The following SOX6 variants were observed in gnomAD, a reference collection of about 807,000 sequenced individuals.
SOX6 encodes SRY-box transcription factor 6.
In SOX6, 11 loss-of-function variants were observed where a neutral mutation model predicts 97.8. The observed-to-expected ratio is 0.11, with a 90% CI of 0.07 to 0.19. SOX6 has a LOEUF of 0.19. SOX6 is among the 10% of genes least tolerant of loss of function. SOX6 has a pLI of 1.00. For missense variants in SOX6, 810 were observed against 1,039.5 expected (o/e 0.78, Z 3.04); for synonymous variants, 360 against 371.4 (o/e 0.97, Z 0.35).
chr11:16,545,958 T>C (rs908191923), intron 4 of SOX6, among the ~76,000 whole-genome samples: 6 of 151,924 alleles, frequency 3.9e-5, no homozygotes, highest in Non-Finnish European at 7.4e-5. Flanking sequence ...TCTATTTAAA[T>C]AAATAAATAA....
rs189598281 is a variant in SOX6 at position 16,643,507 on chromosome 11, C to G, written n.430-31247G>C. ...CTTTTGTTTGGCTATGCCCTGCCCC[C>G]AGAGGTGGAGTCTACAGAGGCAGGC... On this transcript the variant is annotated intron_variant and non_coding_transcript_variant, in intron 3 of 5. Coordinates refer to the SOX6 transcript ENST00000524520. Among the ~76,000 whole-genome samples the G allele has an allele frequency of 3.9e-5, 6 of 152,326 alleles. No individual in the cohort carries two copies. In the East Asian group the frequency reaches 9.7e-4, roughly 25 times the overall value.
At chr11:15,983,328 T>C (rs531329012) in intron 15 of SOX6, among the ~76,000 whole-genome samples, 1 of 152,212 alleles carries the variant, frequency 6.6e-6, no homozygotes, top group African/African-American at 2.4e-5. Context: ...CTCCCTTCCA[T>C]ATTATTGATA....
chr11:16,637,002 A>G (rs1312843806), intron 3 of SOX6, among the ~76,000 whole-genome samples: 1 of 152,056 alleles, frequency 6.6e-6, no homozygotes, highest in Non-Finnish European at 1.5e-5. Context: ...TAGACTAATT[A>G]TGTCCCCTTT....
At chr11:16,430,150 T>C (rs1023865175) in intron 1 of SOX6, among the ~76,000 whole-genome samples, 1 of 152,188 alleles carries the variant, frequency 6.6e-6, no homozygotes, top group Non-Finnish European at 1.5e-5. Flanking sequence ...GCATATATTC[T>C]TTCCTTTGCC....
chr11:16,319,695 G>A (rs1469380137), intron 2 of SOX6, among the ~76,000 whole-genome samples: 1 of 152,102 alleles, frequency 6.6e-6, no homozygotes, highest in Admixed American at 6.6e-5. Flanking sequence ...TGGCGGCATA[G>A]TATTTCATTG....
At chr11:16,403,903 T>A (rs1858623494) in intron 1 of SOX6, among the ~76,000 whole-genome samples, 1 of 151,820 alleles carries the variant, frequency 6.6e-6, no homozygotes, top group African/African-American at 2.4e-5. Context: ...TGTCTCAGGA[T>A]AACCTGGAGA....
chr11:16,301,879 G>A (rs1855269481), intron 3 of SOX6, among the ~76,000 whole-genome samples: 1 of 152,100 alleles, frequency 6.6e-6, no homozygotes, highest in African/African-American at 2.4e-5. Context: ...CCTGCTAGAT[G>A]TATTCCACCT....
At chr11:16,648,841 GA>G (rs1471619295) in intron 3 of SOX6, among the ~76,000 whole-genome samples, 1 of 151,954 alleles carries the variant, frequency 6.6e-6, no homozygotes, top group Admixed American at 6.6e-5. Flanking sequence ...AAAGAAAGGT[GA>G]AAACAAACTT....
chr11:16,598,248 C>T (rs1460953751), intron 4 of SOX6, among the ~76,000 whole-genome samples: 1 of 151,904 alleles, frequency 6.6e-6, no homozygotes, highest in African/African-American at 2.4e-5. Context: ...AGGGATTATA[C>T]CATGGATATA....
chr11:16,186,957 TA>T lies in SOX6; in HGVS notation c.536-3del. On this transcript the variant is annotated splice_region_variant and splice_polypyrimidine_tract_variant and intron_variant, in intron 4 of 15. Coordinates refer to ENST00000683767, the MANE Select transcript of SOX6 (RefSeq NM_001367873.1). ...TTTCTGCCAGGCTCTCAGGTGTACCTAAAATGGAAGCAAGAAGAGATCTCAC... is the reference window on the plus strand; with the variant it reads ...TTTCTGCCAGGCTCTCAGGTGTACCTAAATGGAAGCAAGAAGAGATCTCAC... 6.2e-7 allele frequency: 1 copy of T among 1,613,686 alleles called. No individual in the cohort carries two copies. The highest frequency in any genetic ancestry group is 8.5e-7 in the Non-Finnish European group (1 of 1,179,776).
intron 3 of SOX6, among the ~76,000 whole-genome samples, chr11:16,712,609 C>G (rs1848190181): frequency 6.6e-6 from 1 of 152,112 alleles, no homozygotes. Context: ...TTTTCAGCCT[C>G]AAGGCCATTT....
chr11:16,244,667 G>T (rs1006864670), intron 3 of SOX6, among the ~76,000 whole-genome samples: 8 of 151,630 alleles, frequency 5.3e-5, no homozygotes, highest in Admixed American at 1.3e-4. Flanking sequence ...AGTTGTTCCA[G>T]CAACATTTTT....
At chr11:16,359,910 C>T (rs1857165998), upstream of SOX6, among the ~76,000 whole-genome samples, 1 of 152,138 alleles carries the variant, frequency 6.6e-6, no homozygotes, top group Non-Finnish European at 1.5e-5. Flanking sequence ...AATTTATCCC[C>T]ATTTGCAGAT....
chr11:16,535,684 C>A (rs966593341), intron 4 of SOX6, among the ~76,000 whole-genome samples: 10 of 152,024 alleles, frequency 6.6e-5, no homozygotes, highest in African/African-American at 1.9e-4. Flanking sequence ...CAAAAAAAAA[C>A]AAAAACAAAC....
intron 3 of SOX6, among the ~76,000 whole-genome samples, chr11:16,714,064 A>G (rs1279993369): frequency 6.6e-6 from 1 of 152,202 alleles, no homozygotes; most frequent in Non-Finnish European, 1.5e-5. Flanking sequence ...CTCCTTCCTC[A>G]TATTCCAAAG....
chr11:16,525,397 A>G (rs1415069645), intron 4 of SOX6, among the ~76,000 whole-genome samples: 3 of 151,750 alleles, frequency 2.0e-5, no homozygotes, highest in African/African-American at 7.3e-5. Flanking sequence ...TTCCCTATTT[A>G]ATAAATGGTG....
At chr11:15,991,230 A>T (rs183379359) in intron 13 of SOX6, among the ~76,000 whole-genome samples, 2 of 152,232 alleles carry the variant, frequency 1.3e-5, no homozygotes, top group Non-Finnish European at 2.9e-5. Flanking sequence ...CCCACAGTAC[A>T]TTAATTTCAT....
chr11:16,466,705 C>T (rs184296122), intron 1 of SOX6, among the ~76,000 whole-genome samples: 1,880 of 150,292 alleles, frequency 0.013, 16 homozygotes, highest in Non-Finnish European at 0.018. Flanking sequence ...CCGAGGCAGG[C>T]GGATCACGAG....
At chr11:16,058,907 T>C (rs540289365) in intron 9 of SOX6, among the ~76,000 whole-genome samples, 1 of 152,054 alleles carries the variant, frequency 6.6e-6, no homozygotes, top group Admixed American at 6.6e-5. Context: ...TGCATGACAT[T>C]AGGGAGGGAT....
Sources: gnomAD v4.1 joint callset for allele counts (sites outside exome capture counted in the v4.1 genomes callset) on GRCh38, gnomAD v4.1.1 for gene constraint, MANE v1.5 for transcripts, NCBI Gene and HGNC (gene_info 2026-07-23, HGNC 2026-07-21) for gene names.